MRPS27: variants seen among roughly 807,000 people sequenced by gnomAD.
MRPS27 encodes the protein small ribosomal subunit protein mS27.
In MRPS27, 43 loss-of-function variants were observed where a neutral mutation model predicts 48.9. The observed-to-expected ratio is 0.88, with a 90% CI of 0.69 to 1.13. MRPS27 has a LOEUF of 1.13. Among genes scored for constraint, MRPS27 ranks in the 50% most tolerant of loss-of-function variants. The probability of loss-of-function intolerance (pLI) is 0.00; values close to 1 mark genes in which losing one functional copy is unlikely to be tolerated. For synonymous variants in MRPS27, 188 were observed against 171.9 expected (o/e 1.09, Z -0.73); for missense variants, 467 against 476.3 (o/e 0.98, Z 0.18).
intron 4 of MRPS27, among the ~76,000 whole-genome samples, chr5:72,256,783 C>T (rs1227487816): frequency 6.6e-6 from 1 of 152,202 alleles, no homozygotes; most frequent in East Asian, 1.9e-4. Context: ...TTCTCAGAGC[C>T]TCTATGCTGA....
intron 4 of MRPS27, among the ~76,000 whole-genome samples, chr5:72,291,381 T>C (rs1749815594): frequency 6.6e-6 from 1 of 152,202 alleles, no homozygotes; most frequent in Admixed American, 6.5e-5. Flanking sequence ...TCAGAATTAG[T>C]TTCTTACAAC....
At chr5:72,238,196 T>C in intron 4 of MRPS27, 68 bp from the exon 5 acceptor site, 2 of 1,026,480 alleles carry the variant, frequency 1.9e-6, no homozygotes, top group Non-Finnish European at 3.1e-6. Flanking sequence ...CTTCCATCGA[T>C]AGGTCCTTCT....
chr5:72,258,515 G>C (rs544158806), intron 4 of MRPS27, among the ~76,000 whole-genome samples: 229 of 152,284 alleles, frequency 1.5e-3, no homozygotes, highest in African/African-American at 4.8e-3. Flanking sequence ...ACACTGCTGG[G>C]AAGTGGGGGC....
intron 1 of MRPS27, among the ~76,000 whole-genome samples, chr5:72,316,824 G>A (rs10071619): frequency 0.18 from 27,664 of 151,562 alleles, 2,648 homozygotes; most frequent in East Asian, 0.34. Flanking sequence ...GAGGTCGGGA[G>A]TTCGAGGCGA....
chr5:72,236,736 G>A (rs964227363), intron 5 of MRPS27, among the ~76,000 whole-genome samples: 1 of 151,990 alleles, frequency 6.6e-6, no homozygotes, highest in Non-Finnish European at 1.5e-5. Context: ...TTCAGACTGA[G>A]TCTTTGTTTT....
chr5:72,226,770 A>C (rs1747912009), intron 8 of MRPS27, among the ~76,000 whole-genome samples: 1 of 151,926 alleles, frequency 6.6e-6, no homozygotes, highest in Non-Finnish European at 1.5e-5. Flanking sequence ...CAGAGTTCTC[A>C]TGATCTTTTT....
At chr5:72,295,636 T>G in intron 3 of MRPS27, 47 bp from the exon 4 acceptor site, 1 of 1,481,228 alleles carries the variant, frequency 6.8e-7, no homozygotes, top group Non-Finnish European at 9.4e-7. Context: ...AATTATGTCA[T>G]ATATTTGGCC....
intron 4 of MRPS27, among the ~76,000 whole-genome samples, chr5:72,284,305 T>C (rs1292071270): frequency 6.7e-6 from 1 of 148,298 alleles, no homozygotes; most frequent in African/African-American, 2.5e-5. Context: ...ACGCCTAAAG[T>C]CCTAGCTACC....
At chr5:72,225,714 T>C (rs553105648) in intron 9 of MRPS27, among the ~76,000 whole-genome samples, 19 of 152,208 alleles carry the variant, frequency 1.2e-4, no homozygotes, top group Non-Finnish European at 2.2e-4. Context: ...CAGGACTACA[T>C]GGTATTACAA....
chr5:72,272,548 G>A (rs1749274948), intron 4 of MRPS27, among the ~76,000 whole-genome samples: 1 of 152,184 alleles, frequency 6.6e-6, no homozygotes, highest in Non-Finnish European at 1.5e-5. Context: ...TTCGATACTG[G>A]ATAAATTAAG....
Position 72,238,219 on chromosome 5 carries a change from C to T in MRPS27, c.282-91G>A, listed in dbSNP as rs114551029. On this transcript the variant is annotated intron_variant, in intron 4 of 10. Coordinates refer to ENST00000261413, the MANE Select transcript of MRPS27 (RefSeq NM_015084.3). ...GATAGGTCCTTCTCTTAGATACTTA[C>T]AGAGTGCAATGTGACAGAAATTCAT... 1.0e-3 allele frequency: 826 copies of T among 808,966 alleles called. 2 individuals are homozygous for T. In the African/African-American group the frequency reaches 0.013, roughly 13 times the overall value. The allele number at this position is 808,966 out of a possible 1,614,324, so 50.1% of individuals were successfully genotyped here.
intron 1 of MRPS27, among the ~76,000 whole-genome samples, chr5:72,319,534 T>A (rs937339126): frequency 6.9e-6 from 1 of 144,604 alleles, no homozygotes; most frequent in Non-Finnish European, 1.5e-5. Flanking sequence ...ATTTAGGTTT[T>A]TCCTTTTTTT....
At chr5:72,292,572 G>A (rs1749855809) in intron 4 of MRPS27, among the ~76,000 whole-genome samples, 1 of 152,178 alleles carries the variant, frequency 6.6e-6, no homozygotes, top group African/African-American at 2.4e-5. Flanking sequence ...GGTACCAGCA[G>A]CACCCTGAGC....
chr5:72,224,038 C>T (rs1033741923), intron 9 of MRPS27, among the ~76,000 whole-genome samples, 188 bp from the exon 10 acceptor site: 9 of 152,132 alleles, frequency 5.9e-5, no homozygotes, highest in Admixed American at 2.6e-4. Flanking sequence ...TATCAGATGG[C>T]GTGGAAAACA....
chr5:72,276,520 T>C (rs1287684421), intron 4 of MRPS27, among the ~76,000 whole-genome samples: 1 of 152,074 alleles, frequency 6.6e-6, no homozygotes, highest in Non-Finnish European at 1.5e-5. Context: ...GATCTCATGA[T>C]GAAAATGTCA....
intron 4 of MRPS27, among the ~76,000 whole-genome samples, chr5:72,245,380 T>C (rs972776449): frequency 2.6e-5 from 4 of 152,196 alleles, no homozygotes; most frequent in East Asian, 1.9e-4. Context: ...ATTTTGGTTT[T>C]TGAGTAGGAA....
intron 4 of MRPS27, among the ~76,000 whole-genome samples, chr5:72,268,848 T>C (rs536872012): frequency 6.6e-6 from 1 of 152,208 alleles, no homozygotes; most frequent in African/African-American, 2.4e-5. Flanking sequence ...CTCTAATTGA[T>C]AGGGGGTCAA....
intron 4 of MRPS27, among the ~76,000 whole-genome samples, chr5:72,287,997 G>A (rs1036811081): frequency 6.6e-6 from 1 of 152,166 alleles, no homozygotes; most frequent in Non-Finnish European, 1.5e-5. Flanking sequence ...ACTCAGGACT[G>A]GAGTCTGCAG....
chr5:72,273,660 G>T (rs564928588), intron 4 of MRPS27, among the ~76,000 whole-genome samples: 147 of 152,218 alleles, frequency 9.7e-4, no homozygotes, highest in African/African-American at 3.4e-3. Flanking sequence ...TAAAAATATG[G>T]GATAAAAGAT....
Sources: gnomAD v4.1 joint callset for allele counts (sites outside exome capture counted in the v4.1 genomes callset) on GRCh38, gnomAD v4.1.1 for gene constraint, MANE v1.5 for transcripts, NCBI Gene and HGNC (gene_info 2026-07-23, HGNC 2026-07-21) for gene names.